The following PPP2R3A variants were observed in gnomAD, a reference collection of about 807,000 sequenced individuals.
The protein encoded by PPP2R3A is protein phosphatase 2 regulatory subunit B''alpha, also known as serine/threonine-protein phosphatase 2A regulatory subunit B'' subunit alpha.
PPP2R3A carries 80 observed loss-of-function variants against 106.9 expected under a neutral mutation model. The ratio of observed to expected loss-of-function variants is 0.75; its 90% CI spans 0.62 to 0.90. PPP2R3A has a LOEUF of 0.90. PPP2R3A is among the 40% of genes least tolerant of loss of function. The pLI is 0.00. For synonymous variants in PPP2R3A, 483 were observed against 468.3 expected (o/e 1.03, Z -0.41); for missense variants, 1,386 against 1,350.4 (o/e 1.03, Z -0.41).
chr3:136,013,194 GTAT>G, intron 2 of PPP2R3A, among the ~76,000 whole-genome samples: 2 of 150,920 alleles, frequency 1.3e-5, no homozygotes, highest in African/African-American at 4.9e-5. Flanking sequence ...ATGTATGTAT[GTAT>G]GTATGTATGT....
intron 5 of PPP2R3A, among the ~76,000 whole-genome samples, chr3:136,056,304 AT>A (rs1935857916): frequency 6.6e-6 from 1 of 152,236 alleles, no homozygotes; most frequent in African/African-American, 2.4e-5. Context: ...TCAGGTAAAA[AT>A]TAAGGAAATG....
At chr3:135,996,050 A>ACT (rs1192354571) in intron 1 of PPP2R3A, among the ~76,000 whole-genome samples, 1 of 152,182 alleles carries the variant, frequency 6.6e-6, no homozygotes, top group East Asian at 1.9e-4. Context: ...TCTTGACCTT[A>ACT]CTAGAGTGCG....
At chr3:136,115,218 G>A (rs1013405884) in intron 13 of PPP2R3A, among the ~76,000 whole-genome samples, 3 of 151,624 alleles carry the variant, frequency 2.0e-5, no homozygotes, top group African/African-American at 7.2e-5. Context: ...AGAATAGCAT[G>A]TCTACTCAGA....
chr3:136,144,946 T>A, intron 13 of PPP2R3A, 97 bp from the exon 14 acceptor site: 1 of 1,392,572 alleles, frequency 7.2e-7, no homozygotes, highest in Non-Finnish European at 9.7e-7. Context: ...TCAAGGTACC[T>A]TTGTGGGCTG....
chr3:136,061,906 G>A (rs538118406), intron 5 of PPP2R3A, among the ~76,000 whole-genome samples: 93 of 126,326 alleles, frequency 7.4e-4, no homozygotes, highest in Non-Finnish European at 7.0e-4. Flanking sequence ...CAGCCTGGGC[G>A]ACAGAGCAAG....
intron 1 of PPP2R3A, among the ~76,000 whole-genome samples, chr3:135,968,222 A>C (rs1937145913): frequency 1.3e-5 from 2 of 152,180 alleles, no homozygotes; most frequent in South Asian, 4.1e-4. Flanking sequence ...GCATGCCTGG[A>C]CCTTATAGTC....
chr3:136,055,708 C>T, intron 5 of PPP2R3A: 1 of 785,952 alleles, frequency 1.3e-6, no homozygotes, highest in Admixed American at 2.2e-5. Context: ...GACTCTGGAG[C>T]AACTTAGAGA....
intron 5 of PPP2R3A, among the ~76,000 whole-genome samples, chr3:136,050,467 T>C (rs760262448): frequency 2.6e-5 from 4 of 152,086 alleles, no homozygotes; most frequent in Non-Finnish European, 4.4e-5. Flanking sequence ...TACCAAAGCA[T>C]TAGGGTTGGG....
Position 136,078,455 on chromosome 3 carries a change from T to A in PPP2R3A, c.2631+2T>A. Reference sequence around the variant, plus strand: ...ATAAGAAAAAGCAACTTTTTGCAAGTATGCCTTTCATTAGAATTCATGTGT... The same window carrying A: ...ATAAGAAAAAGCAACTTTTTGCAAGAATGCCTTTCATTAGAATTCATGTGT... On this transcript the variant is annotated splice_donor_variant, in intron 7 of 13. Transcript: ENST00000264977. LOFTEE classifies it high-confidence loss of function. 6.4e-7 allele frequency: 1 copy of A among 1,566,544 alleles called. No individual in the cohort carries two copies. Among genetic ancestry groups the A allele is most frequent in the Non-Finnish European group, 8.8e-7 (1 of 1,139,848 alleles).
intron 13 of PPP2R3A, among the ~76,000 whole-genome samples, chr3:136,113,808 A>G (rs904907506): frequency 1.8e-4 from 28 of 152,064 alleles, no homozygotes; most frequent in African/African-American, 1.7e-4. Flanking sequence ...AAAAAAAAAA[A>G]AGAGAGAGAC....
chr3:136,139,848 TA>T (rs1175192495), intron 13 of PPP2R3A, among the ~76,000 whole-genome samples: 1 of 147,662 alleles, frequency 6.8e-6, no homozygotes, highest in African/African-American at 2.5e-5. Flanking sequence ...CTACTAAAAA[TA>T]AAAAAAATTA....
At chr3:136,095,086 G>C (rs1454864038) in intron 10 of PPP2R3A, among the ~76,000 whole-genome samples, 3 of 152,094 alleles carry the variant, frequency 2.0e-5, no homozygotes, top group Non-Finnish European at 4.4e-5. Context: ...TCTAGATCTG[G>C]ATACCATAAT....
chr3:136,133,428 C>T (rs1938495803), intron 13 of PPP2R3A, among the ~76,000 whole-genome samples: 1 of 151,968 alleles, frequency 6.6e-6, no homozygotes, highest in Non-Finnish European at 1.5e-5. Context: ...AAATTAAAAC[C>T]TCAGTGAGAT....
chr3:136,090,945 G>C (rs917346958), intron 10 of PPP2R3A, among the ~76,000 whole-genome samples: 2 of 152,188 alleles, frequency 1.3e-5, no homozygotes, highest in Non-Finnish European at 2.9e-5. Flanking sequence ...TGTGGAATAT[G>C]GGAATAGATG....
At chr3:136,036,092 T>C (rs1310698373) in intron 3 of PPP2R3A, among the ~76,000 whole-genome samples, 1 of 152,084 alleles carries the variant, frequency 6.6e-6, no homozygotes, top group Non-Finnish European at 1.5e-5. Flanking sequence ...TTTTTATTTA[T>C]GCTATTTCCT....
intron 13 of PPP2R3A, among the ~76,000 whole-genome samples, chr3:136,121,879 C>T (rs1378632667): frequency 6.6e-6 from 1 of 152,042 alleles, no homozygotes; most frequent in Non-Finnish European, 1.5e-5. Context: ...GATTATCTAA[C>T]AGAAGTCTAG....
In PPP2R3A at chr3:136,146,562, A is replaced by G. The variant is rs1939134748; in HGVS notation, c.*1396A>G. The G allele has an allele frequency of 6.7e-6, 1 of 150,000 alleles. No individual in the cohort carries two copies. Among genetic ancestry groups the G allele is most frequent in the Non-Finnish European group, 1.5e-5 (1 of 68,034 alleles). The allele number at this position is 150,000 out of a possible 1,614,324, so 9.3% of individuals were successfully genotyped here. ...GCTATAAACAAGGTACAGTACAGTG[A>G]GAGTTAACAATCCTAGGAATCCTGC... is the stretch of plus-strand genomic sequence containing the variant. On this transcript the variant is annotated 3_prime_UTR_variant, in exon 14 of 14. Transcript: ENST00000264977.
At chr3:136,055,454 A>C (rs1205735645) in intron 5 of PPP2R3A, 65 of 1,117,686 alleles carry the variant, frequency 5.8e-5, no homozygotes. Context: ...ACAAAGTGTA[A>C]ATGTGAAGAC....
intron 13 of PPP2R3A, among the ~76,000 whole-genome samples, chr3:136,107,359 A>G: frequency 6.6e-6 from 1 of 150,764 alleles, no homozygotes. Flanking sequence ...AAGTGTCATC[A>G]TGTTCTTGCT....
Sources: gnomAD v4.1 joint callset for allele counts (sites outside exome capture counted in the v4.1 genomes callset) on GRCh38, gnomAD v4.1.1 for gene constraint, MANE v1.5 for transcripts, NCBI Gene and HGNC (gene_info 2026-07-23, HGNC 2026-07-21) for gene names.